TENM2: variants seen among roughly 807,000 people sequenced by gnomAD.
TENM2 encodes teneurin-2.
In TENM2, 52 loss-of-function variants were observed where a neutral mutation model predicts 245.2. The ratio of observed to expected loss-of-function variants is 0.21; its 90% CI spans 0.17 to 0.27. The LOEUF is 0.27. Among genes scored for constraint, TENM2 ranks in the 10% least tolerant of loss-of-function variants. TENM2 has a pLI of 1.00. For missense variants in TENM2, 3,046 were observed against 3,666.8 expected (o/e 0.83, Z 4.37); for synonymous variants, 1,363 against 1,438.9 (o/e 0.95, Z 1.19).
intron 1 of TENM2, among the ~76,000 whole-genome samples, chr5:167,347,954 C>T (rs1581800784): frequency 1.3e-5 from 2 of 152,262 alleles, no homozygotes. Flanking sequence ...ACAGGGGCAA[C>T]CACCAAACAG....
In TENM2 at chr5:168,096,783, G is replaced by A. The variant is rs370529863; in HGVS notation, c.1712-1243G>A. ...GATATAACATCACATTTTGAGAATA[G>A]TGGCTTATACTTTCCTTTTCATCTT... is the stretch of plus-strand genomic sequence containing the variant. On this transcript the variant is annotated intron_variant, in intron 8 of 28. Transcript: ENST00000518659. 3.9e-5 allele frequency among the ~76,000 whole-genome samples: 6 copies of A among 152,304 alleles called. No individual in the cohort carries two copies. The South Asian group carries it at 1.2e-3, about 32-fold the overall frequency.
intron 5 of TENM2, among the ~76,000 whole-genome samples, chr5:168,004,517 G>GCGCGCGCGCGCGCA (rs898616203): frequency 1.5e-5 from 2 of 132,152 alleles, no homozygotes; most frequent in African/African-American, 6.1e-5. Flanking sequence ...GCGCGCGCGC[G>GCGCGCGCGCGCGCA]CACACACACA....
intron 2 of TENM2, among the ~76,000 whole-genome samples, chr5:167,474,519 C>CT (rs35361317): frequency 0.061 from 9,018 of 147,344 alleles, 630 homozygotes; most frequent in East Asian, 0.29. Context: ...AATAAGTAGA[C>CT]TTTTTTTTTT....
At position 167,516,386 on chromosome 5, in the gene TENM2, A is replaced by C. The variant is rs1770380332; in HGVS notation, c.502+140913A>C. Among the ~76,000 whole-genome samples the C allele has an allele frequency of 3.3e-5, 5 of 152,176 alleles. No homozygotes were observed. In the South Asian group the frequency reaches 1.0e-3, roughly 32 times the overall value. ...GGTTTCACAGAAGGTTTCTAAATAG[A>C]AACCTAATTAAAGAAATTAATAATC... is the stretch of plus-strand genomic sequence containing the variant. On this transcript the variant is annotated intron_variant, in intron 2 of 28. Transcript: ENST00000518659.
chr5:167,985,775 G>A (rs1340788847), intron 4 of TENM2, among the ~76,000 whole-genome samples: 2 of 152,328 alleles, frequency 1.3e-5, no homozygotes, highest in African/African-American at 4.8e-5. Context: ...GGTACTTAGT[G>A]TTAAGGAATT....
chr5:168,062,272 C>T lies in TENM2; in HGVS notation c.1515+7C>T. 3.1e-6 allele frequency: 5 copies of T among 1,610,382 alleles called. No homozygotes were observed. The highest frequency in any genetic ancestry group is 4.2e-6 in the Non-Finnish European group (5 of 1,176,932). Reference sequence around the variant, plus strand: ...TCCACCATCTCATGCCCAGGTATGACCATGTTTGATGTAATCAAGCATTTA... The same window carrying T: ...TCCACCATCTCATGCCCAGGTATGATCATGTTTGATGTAATCAAGCATTTA... On this transcript the variant is annotated splice_region_variant and intron_variant, in intron 7 of 28. Coordinates refer to ENST00000518659, the Ensembl canonical transcript of TENM2.
At chr5:168,108,127 G>C (rs1174238560) in intron 9 of TENM2, among the ~76,000 whole-genome samples, 2 of 152,166 alleles carry the variant, frequency 1.3e-5, no homozygotes, top group Non-Finnish European at 2.9e-5. Context: ...TAAAGAACAA[G>C]GTTCTAATTT....
chr5:167,745,007 T>A (rs1354191585), intron 2 of TENM2, among the ~76,000 whole-genome samples: 1 of 152,172 alleles, frequency 6.6e-6, no homozygotes, highest in East Asian at 1.9e-4. Flanking sequence ...AGTATCAACA[T>A]CACCTGTCTC....
At chr5:167,179,433 G>A in the TENM2 span, among the ~76,000 whole-genome samples, 11 of 152,052 alleles carry the variant, frequency 7.2e-5, no homozygotes, top group Non-Finnish European at 1.6e-4. Context: ...TACATTTTCG[G>A]TAAGTAATTT....
chr5:167,320,575 T>G (rs1756652181), intron 1 of TENM2, among the ~76,000 whole-genome samples: 1 of 152,132 alleles, frequency 6.6e-6, no homozygotes, highest in South Asian at 2.1e-4. Context: ...GTATAAGAGC[T>G]GGGACTTTTA....
rs573145416 is a variant in TENM2, at chr5:167,673,799, C to A, written c.503-202187C>A. Among the ~76,000 whole-genome samples the A allele has an allele frequency of 8.6e-4, 131 of 151,790 alleles. 1 individual carries two copies. Among genetic ancestry groups the A allele is most frequent in the African/African-American group, 2.9e-3 (119 of 41,356 alleles). ...TGTAGAACAATTCATATTATATACACCCTTCTATTGACCTGTCTATTTGAA... is the reference window on the plus strand; with the variant it reads ...TGTAGAACAATTCATATTATATACAACCTTCTATTGACCTGTCTATTTGAA... On this transcript the variant is annotated intron_variant, in intron 2 of 28. Coordinates refer to ENST00000518659, the Ensembl canonical transcript of TENM2.
intron 2 of TENM2, among the ~76,000 whole-genome samples, chr5:167,397,496 T>A (rs936539146): frequency 1.3e-5 from 2 of 152,124 alleles, no homozygotes; most frequent in Non-Finnish European, 2.9e-5. Flanking sequence ...AAACCGAGCA[T>A]TGAGTATGCG....
chr5:167,470,478 C>CTTTTTTTTTTTTTTTTTTTTTTT (rs1582137507), intron 2 of TENM2, among the ~76,000 whole-genome samples: 1 of 18,924 alleles, frequency 5.3e-5, no homozygotes, highest in Non-Finnish European at 1.1e-4. Flanking sequence ...TTTTTTTTTG[C>CTTTTTTTTTTTTTTTTTTTTTTT]TTATGGAAGG....
At chr5:168,018,416 A>G (rs1785850256) in intron 5 of TENM2, among the ~76,000 whole-genome samples, 1 of 151,540 alleles carries the variant, frequency 6.6e-6, no homozygotes, top group Non-Finnish European at 1.5e-5. Flanking sequence ...TTCATAAGGA[A>G]ATAAGTATTT....
chr5:167,951,332 G>A (rs1338826511), intron 3 of TENM2, among the ~76,000 whole-genome samples: 1 of 152,182 alleles, frequency 6.6e-6, no homozygotes, highest in Non-Finnish European at 1.5e-5. Flanking sequence ...GCAGTCACCT[G>A]GTGAGCTGCC....
chr5:167,065,618 G>C, the TENM2 span, among the ~76,000 whole-genome samples: 1 of 152,204 alleles, frequency 6.6e-6, no homozygotes, highest in Non-Finnish European at 1.5e-5. Flanking sequence ...ATAATACATA[G>C]TGATGGCTAA....
intron 5 of TENM2, among the ~76,000 whole-genome samples, chr5:168,000,946 TCCAATGAGACCTGCATTGGACTGC>T (rs57784685): frequency 0.42 from 63,424 of 151,948 alleles, 14,618 homozygotes; most frequent in African/African-American, 0.61. Context: ...GCACACCAGG[TCCAATGAGACCTGCATTGGACTGC>T]ATGCCAGGTC....
chr5:167,526,705 CTTCT>C (rs1007434206), intron 2 of TENM2, among the ~76,000 whole-genome samples: 1 of 151,820 alleles, frequency 6.6e-6, no homozygotes, highest in African/African-American at 2.4e-5. Flanking sequence ...GTTAGATTTC[CTTCT>C]TTCTAATTCC....
At chr5:168,113,321 AAATAAT>A (rs760696651) in intron 9 of TENM2, among the ~76,000 whole-genome samples, 3 of 151,982 alleles carry the variant, frequency 2.0e-5, no homozygotes, top group Non-Finnish European at 2.9e-5. Flanking sequence ...CCATGTCTCC[AAATAAT>A]AATAATAATA....
Sources: gnomAD v4.1 joint callset for allele counts (sites outside exome capture counted in the v4.1 genomes callset) on GRCh38, gnomAD v4.1.1 for gene constraint, MANE v1.5 for transcripts, NCBI Gene and HGNC (gene_info 2026-07-23, HGNC 2026-07-21) for gene names.